Variants in PIGH observed in about 807,000 individuals in gnomAD.
PIGH encodes phosphatidylinositol glycan anchor biosynthesis class H, also known as phosphatidylinositol N-acetylglucosaminyltransferase subunit H.
A neutral mutation model predicts 20.1 loss-of-function variants in PIGH; 11 were observed. The ratio of observed to expected loss-of-function variants is 0.55; its 90% CI spans 0.34 to 0.91. PIGH has a LOEUF of 0.91. PIGH is among the 40% of genes least tolerant of loss of function. PIGH has a pLI of 0.02. For missense variants in PIGH, 189 were observed against 233.6 expected (o/e 0.81, Z 1.24); for synonymous variants, 72 against 93.1 (o/e 0.77, Z 1.31).
Position 67,600,252 on chromosome 14 carries a change from C to G in PIGH, c.-49G>C. 6.9e-7 allele frequency: 1 copy of G among 1,452,696 alleles called. No individual in the cohort carries two copies. Among genetic ancestry groups the G allele is most frequent in the Non-Finnish European group, 9.1e-7 (1 of 1,096,786 alleles). The allele number at this position is 1,452,696 out of a possible 1,614,324, so 90.0% of individuals were successfully genotyped here. ...ACCGCGCGGCGCTGCACTGCGCTCG[C>G]CGGCCCTGGCCGTCTCGCCCGCTCC... On this transcript the variant is annotated 5_prime_UTR_variant, in exon 1 of 4. Coordinates refer to ENST00000216452, the MANE Select transcript of PIGH (RefSeq NM_004569.5).
intron 2 of PIGH, 33 bp downstream of exon 2, chr14:67,593,710 G>A: frequency 7.5e-7 from 1 of 1,331,140 alleles, no homozygotes; most frequent in Non-Finnish European, 1.1e-6. Context: ...CTCCTCCAGA[G>A]AGGCCTGTAA....
chr14:67,594,874 G>T (rs1183116239), intron 1 of PIGH, among the ~76,000 whole-genome samples: 1 of 152,154 alleles, frequency 6.6e-6, no homozygotes, highest in Non-Finnish European at 1.5e-5. Context: ...ATTAGGCCGG[G>T]CGCGGTGGCT....
intron 1 of PIGH, among the ~76,000 whole-genome samples, chr14:67,596,600 TCTAAG>T (rs560756472): frequency 8.5e-5 from 13 of 152,308 alleles, no homozygotes; most frequent in Middle Eastern, 3.4e-3. Flanking sequence ...GTCAGGTTCC[TCTAAG>T]CTGTCTAGGC....
intron 3 of PIGH, among the ~76,000 whole-genome samples, chr14:67,590,543 G>A (rs1296045457): frequency 6.6e-6 from 1 of 152,164 alleles, no homozygotes; most frequent in Non-Finnish European, 1.5e-5. Flanking sequence ...ATTTTTAGTA[G>A]AGACAGGGTT....
At chr14:67,596,854 T>C (rs1388914153) in intron 1 of PIGH, among the ~76,000 whole-genome samples, 1 of 152,254 alleles carries the variant, frequency 6.6e-6, no homozygotes, top group Admixed American at 6.5e-5. Flanking sequence ...CACTTGTCCA[T>C]GCTATATTCG....
At chr14:67,594,846 C>T (rs1418240442) in intron 1 of PIGH, among the ~76,000 whole-genome samples, 4 of 152,114 alleles carry the variant, frequency 2.6e-5, no homozygotes, top group Non-Finnish European at 5.9e-5. Context: ...CTACCTTAAA[C>T]GTGCTCAGAA....
At chr14:67,598,508 C>T (rs1277234915) in intron 1 of PIGH, among the ~76,000 whole-genome samples, 3 of 147,610 alleles carry the variant, frequency 2.0e-5, no homozygotes, top group African/African-American at 4.9e-5. Flanking sequence ...TGGTTTCCTT[C>T]GTTCTAGGGC....
At chr14:67,591,110 CATA>C (rs1477379470) in intron 3 of PIGH, among the ~76,000 whole-genome samples, 1 of 151,958 alleles carries the variant, frequency 6.6e-6, no homozygotes, top group Non-Finnish European at 1.5e-5. Context: ...GATACAAATA[CATA>C]ATATTCAGAT....
Position 67,592,632 on chromosome 14 carries a change from C to T in PIGH, c.474+3G>A. The T allele has an allele frequency of 6.4e-7, 1 of 1,564,062 alleles. No individual in the cohort carries two copies. Among genetic ancestry groups the T allele is most frequent in the Non-Finnish European group, 8.8e-7 (1 of 1,136,396 alleles). On this transcript the variant is annotated splice_donor_region_variant and intron_variant, in intron 3 of 3. Transcript: ENST00000216452. Reference sequence around the variant, plus strand: ...GAGAATGGTAAAAGTATTCTATGCTCACCTGGAAGACGGGTACTACTTGGG... The same window carrying T: ...GAGAATGGTAAAAGTATTCTATGCTTACCTGGAAGACGGGTACTACTTGGG...
At chr14:67,597,901 A>G (rs1162610962) in intron 1 of PIGH, among the ~76,000 whole-genome samples, 1 of 152,234 alleles carries the variant, frequency 6.6e-6, no homozygotes, top group Non-Finnish European at 1.5e-5. Flanking sequence ...CCAGGTTGGA[A>G]TAAACAAGGG....
At chr14:67,592,189 C>A in intron 3 of PIGH, 1 of 235,664 alleles carries the variant, frequency 4.2e-6, no homozygotes. Context: ...AATCCCAACA[C>A]TTTGGGAGGC....
chr14:67,600,234 G>C lies in PIGH; in HGVS notation c.-31C>G, dbSNP rs1043950643. The stretch of plus-strand genomic sequence containing the variant: ...CCCCACTCGGCCGCCCGCACCGCGC[G>C]GCGCTGCACTGCGCTCGCCGGCCCT... On this transcript the variant is annotated 5_prime_UTR_variant, in exon 1 of 4. Coordinates refer to ENST00000216452, the MANE Select transcript of PIGH (RefSeq NM_004569.5). The C allele has an allele frequency of 6.6e-7, 1 of 1,523,808 alleles. No individual in the cohort carries two copies. The highest frequency in any genetic ancestry group is 8.8e-7 in the Non-Finnish European group (1 of 1,136,970). The allele number at this position is 1,523,808 out of a possible 1,614,324, so 94.4% of individuals were successfully genotyped here. A position where few individuals can be genotyped will look rare whatever the true frequency, so the allele number is the denominator to read the frequency against.
intron 2 of PIGH, 44 bp from the exon 3 acceptor site, chr14:67,592,762 T>C (rs1337454209): frequency 8.9e-7 from 1 of 1,125,918 alleles, no homozygotes; most frequent in Admixed American, 1.9e-5. Flanking sequence ...GTGAAACTCA[T>C]TTTGCATTCT....
intron 2 of PIGH, 50 bp from the exon 3 acceptor site, chr14:67,592,768 A>C: frequency 8.9e-7 from 1 of 1,117,776 alleles, no homozygotes; most frequent in Non-Finnish European, 1.3e-6. Flanking sequence ...CTCATTTTGC[A>C]TTCTTTTTTT....
chr14:67,599,031 T>C (rs986974315), intron 1 of PIGH, among the ~76,000 whole-genome samples: 2 of 152,162 alleles, frequency 1.3e-5, no homozygotes, highest in East Asian at 1.9e-4. Flanking sequence ...ACGGTTTAGA[T>C]AGTTAGATAG....
rs373285205 is a variant in PIGH at position 67,592,670 on chromosome 14, G to C, written c.439C>G (p.Pro147Ala). ...GGTACTACTTGGGATATCCCATGTGGTTCCACTGGATCTTTCAATAAGATG... is the reference window on the plus strand; with the variant it reads ...GGTACTACTTGGGATATCCCATGTGCTTCCACTGGATCTTTCAATAAGATG... ...LCILLKDPVEPHGISQVVPVF... is the reference protein window; with the variant it reads ...LCILLKDPVEAHGISQVVPVF... The change falls in exon 3 of 4, where the codon CCA becomes GCA. Residue 147 changes from proline (P) to alanine (A), a missense_variant. Transcript: ENST00000216452. 6.2e-7 allele frequency: 1 copy of C among 1,608,858 alleles called. No individual in the cohort carries two copies. The highest frequency in any genetic ancestry group is 1.3e-5 in the African/African-American group (1 of 74,796).
intron 3 of PIGH, among the ~76,000 whole-genome samples, chr14:67,590,829 A>C (rs2036349023): frequency 6.6e-6 from 1 of 152,230 alleles, no homozygotes; most frequent in African/African-American, 2.4e-5. Flanking sequence ...ATAGCTTTTT[A>C]ATCTGTCTAA....
intron 1 of PIGH, among the ~76,000 whole-genome samples, chr14:67,599,752 G>C (rs1011128904): frequency 6.6e-6 from 1 of 152,136 alleles, no homozygotes; most frequent in Non-Finnish European, 1.5e-5. Context: ...AGGCCGTCGC[G>C]CAAGAACTAG....
At position 67,589,948 on chromosome 14, in the gene PIGH, C is replaced by G. The variant is rs2036318555; in HGVS notation, c.*132G>C. On this transcript the variant is annotated 3_prime_UTR_variant, in exon 4 of 4. Transcript: ENST00000216452. ...ATTTCCAGTCACCTGCTCTATGGCT[C>G]TAAGATGCACTACATCCATAATGGT... The G allele has an allele frequency of 1.1e-5, 15 of 1,348,178 alleles. No individual in the cohort carries two copies. Among genetic ancestry groups the G allele is most frequent in the African/African-American group, 3.0e-5 (2 of 67,568 alleles). 83.5% of individuals were successfully genotyped at this position (1,348,178 alleles called of 1,614,324 possible).
Sources: gnomAD v4.1 joint callset for allele counts (sites outside exome capture counted in the v4.1 genomes callset) on GRCh38, gnomAD v4.1.1 for gene constraint, MANE v1.5 for transcripts, NCBI Gene and HGNC (gene_info 2026-07-23, HGNC 2026-07-21) for gene names.